The following FHIT variants were observed in gnomAD, a reference collection of about 807,000 sequenced individuals.
FHIT encodes the protein fragile histidine triad diadenosine triphosphatase, also known as bis(5'-adenosyl)-triphosphatase.
In FHIT, 19 loss-of-function variants were observed where a neutral mutation model predicts 17.9. The ratio of observed to expected loss-of-function variants is 1.06; its 90% CI spans 0.74 to 1.56. FHIT has a LOEUF of 1.56. Ranked by LOEUF, FHIT falls within the 40% of genes most tolerant of loss-of-function variation. FHIT has a pLI of 0.00. For missense variants in FHIT, 248 were observed against 189.2 expected (o/e 1.31, Z -1.82); for synonymous variants, 81 against 69.7 (o/e 1.16, Z -0.81).
chr3:61,077,312 C>G (rs1206988549), intron 2 of FHIT, among the ~76,000 whole-genome samples: 1 of 151,906 alleles, frequency 6.6e-6, no homozygotes, highest in Non-Finnish European at 1.5e-5. Context: ...AGGGTAAACA[C>G]AGGAATGGAA....
chr3:60,434,586 A>T lies in FHIT; in HGVS notation c.103+102274T>A, dbSNP rs543488418. ...TGCCACTGAAAATGCTACCTGATGT[A>T]CATTACCTTGTCTCTATTTCAGGTT... is the stretch of plus-strand genomic sequence containing the variant. On this transcript the variant is annotated intron_variant, in intron 5 of 9. Transcript: ENST00000492590. 7.2e-5 allele frequency among the ~76,000 whole-genome samples: 11 copies of T among 152,218 alleles called. No individual in the cohort carries two copies. The South Asian group carries it at 2.3e-3, about 32-fold the overall frequency.
At chr3:60,157,652 A>C (rs902885278) in intron 5 of FHIT, among the ~76,000 whole-genome samples, 1 of 152,200 alleles carries the variant, frequency 6.6e-6, no homozygotes, top group African/African-American at 2.4e-5. Context: ...TAAAAAGCAA[A>C]TTACCCTGTA....
chr3:60,041,265 T>C (rs1382354109), intron 5 of FHIT, among the ~76,000 whole-genome samples: 2 of 152,144 alleles, frequency 1.3e-5, no homozygotes, highest in Admixed American at 1.3e-4. Flanking sequence ...TTTCAACATG[T>C]CCAGGGAGCA....
At chr3:60,782,905 A>G (rs1700441152) in intron 4 of FHIT, among the ~76,000 whole-genome samples, 1 of 152,080 alleles carries the variant, frequency 6.6e-6, no homozygotes, top group Non-Finnish European at 1.5e-5. Flanking sequence ...AAGGGCACCA[A>G]TCCCATTCAT....
At chr3:59,989,258 A>G (rs146080565) in intron 7 of FHIT, among the ~76,000 whole-genome samples, 2 of 152,132 alleles carry the variant, frequency 1.3e-5, no homozygotes, top group African/African-American at 2.4e-5. Context: ...GTTCCTGGAA[A>G]CCTTTGAGAA....
chr3:60,195,821 G>C (rs948264197), intron 5 of FHIT, among the ~76,000 whole-genome samples: 1 of 140,070 alleles, frequency 7.1e-6, no homozygotes, highest in East Asian at 2.4e-4. Context: ...GAGGAGCTAA[G>C]CTATGGATAT....
chr3:60,860,272 A>G (rs570505477), intron 3 of FHIT, among the ~76,000 whole-genome samples: 206 of 122,628 alleles, frequency 1.7e-3, no homozygotes, highest in African/African-American at 4.5e-3. Context: ...TGTATACATG[A>G]GATACATCAT....
intron 5 of FHIT, among the ~76,000 whole-genome samples, chr3:60,146,486 A>T (rs1445818463): frequency 6.6e-6 from 1 of 152,058 alleles, no homozygotes; most frequent in African/African-American, 2.4e-5. Flanking sequence ...AAACAGATTT[A>T]CTCAAAGATG....
intron 5 of FHIT, among the ~76,000 whole-genome samples, chr3:60,124,065 G>GAGAGAC (rs1559654055): frequency 4.4e-4 from 48 of 108,248 alleles, no homozygotes; most frequent in African/African-American, 7.7e-4. Context: ...GACAGAGAGA[G>GAGAGAC]AGAGAGATAC....
At chr3:60,184,909 C>T (rs551495568) in intron 5 of FHIT, among the ~76,000 whole-genome samples, 6 of 152,224 alleles carry the variant, frequency 3.9e-5, no homozygotes, top group Admixed American at 6.5e-5. Context: ...CCATCTTTGG[C>T]GCTTGGGAAC....
chr3:61,248,361 G>GA lies in FHIT; in HGVS notation c.-213+2939dup, dbSNP rs546539492. Among the ~76,000 whole-genome samples the GA allele has an allele frequency of 2.2e-3, 333 of 152,232 alleles. 1 individual carries two copies. Among genetic ancestry groups the GA allele is most frequent in the African/African-American group, 7.5e-3 (310 of 41,540 alleles). ...GAACTTCTCAAATAGACTGTTTCAG[G>GA]AATGTTTAGCCAATAATTCATAAAA... On this transcript the variant is annotated intron_variant, in intron 1 of 9. Transcript: ENST00000492590.
intron 4 of FHIT, among the ~76,000 whole-genome samples, chr3:60,666,779 C>A (rs1553692555): frequency 6.6e-6 from 1 of 152,118 alleles, no homozygotes; most frequent in East Asian, 1.9e-4. Context: ...TGCAAGAAAT[C>A]CTCCTGCCTC....
chr3:59,796,300 G>A (rs758471954), intron 8 of FHIT, among the ~76,000 whole-genome samples: 18 of 152,124 alleles, frequency 1.2e-4, no homozygotes, highest in South Asian at 6.2e-4. Context: ...ACCCATTTGC[G>A]GGTCTCTAGC....
intron 5 of FHIT, among the ~76,000 whole-genome samples, chr3:60,018,769 G>C (rs1230941474): frequency 6.6e-6 from 1 of 152,268 alleles, no homozygotes; most frequent in Non-Finnish European, 1.5e-5. Context: ...CCTGAGGTCA[G>C]CAGTTCAAGA....
At chr3:60,464,325 G>A (rs4679544) in intron 5 of FHIT, among the ~76,000 whole-genome samples, 44,073 of 151,844 alleles carry the variant, frequency 0.29, 6,929 homozygotes, top group East Asian at 0.53. Flanking sequence ...AGGGTAAATG[G>A]GATATACATC....
Position 60,748,987 on chromosome 3 carries a change from G to A in FHIT, c.-18+72932C>T, listed in dbSNP as rs147620821. Among the ~76,000 whole-genome samples, 969 of 152,192 alleles carry A rather than the reference G, an allele frequency of 6.4e-3. 4 individuals carry two copies. The highest frequency in any genetic ancestry group is 0.011 in the Non-Finnish European group (736 of 68,010). ...AAATAGTTTTGATCCACTGTTAATT[G>A]AACCTCAGATATGGAGGGGCAAATG... On this transcript the variant is annotated intron_variant, in intron 4 of 9. Coordinates refer to ENST00000492590, the MANE Select transcript of FHIT (RefSeq NM_002012.4).
intron 7 of FHIT, among the ~76,000 whole-genome samples, chr3:59,975,310 C>T (rs1016652444): frequency 6.6e-6 from 1 of 152,034 alleles, no homozygotes; most frequent in Non-Finnish European, 1.5e-5. Flanking sequence ...AAGTGTTTAT[C>T]TTGGGCAAGT....
At chr3:60,739,998 T>G (rs1422285887) in intron 4 of FHIT, among the ~76,000 whole-genome samples, 1 of 152,212 alleles carries the variant, frequency 6.6e-6, no homozygotes, top group Admixed American at 6.5e-5. Context: ...GTAACCATCT[T>G]TCCAATAAAT....
chr3:60,051,417 A>G (rs1701874033), intron 5 of FHIT, among the ~76,000 whole-genome samples: 6 of 150,458 alleles, frequency 4.0e-5, no homozygotes. Context: ...GTGAACACCT[A>G]GACATAACTT....
Sources: allele counts gnomAD v4.1 joint callset (sites outside exome capture counted in the v4.1 genomes callset), GRCh38; gene constraint gnomAD v4.1.1; transcripts MANE v1.5; gene names NCBI Gene and HGNC (gene_info 2026-07-23, HGNC 2026-07-21).